The following SEL1L2 variants were observed in gnomAD, a reference collection of about 807,000 sequenced individuals.
The protein encoded by SEL1L2 is SEL1L2 adaptor subunit of SYVN1 ubiquitin ligase.
A neutral mutation model predicts 98.8 loss-of-function variants in SEL1L2; 89 were observed. That is an observed-to-expected ratio of 0.90 (90% confidence interval 0.76 to 1.07). The LOEUF is 1.07. SEL1L2 is among the 50% of genes least tolerant of loss of function. The pLI, the probability that SEL1L2 is intolerant of heterozygous loss-of-function variation, is 0.00. For missense variants in SEL1L2, 788 were observed against 812.0 expected (o/e 0.97, Z 0.36); for synonymous variants, 262 against 278.5 (o/e 0.94, Z 0.59).
At chr20:13,906,289 C>T (rs1288311874) in intron 5 of SEL1L2, among the ~76,000 whole-genome samples, 1 of 152,116 alleles carries the variant, frequency 6.6e-6, no homozygotes, top group East Asian at 1.9e-4. Context: ...TTTTACTGTA[C>T]TTCAAAGTAA....
Position 13,866,687 on chromosome 20 carries a change from G to A in SEL1L2, c.1404+15C>T, listed in dbSNP as rs372179090. On this transcript the variant is annotated intron_variant, in intron 15 of 19. Transcript: ENST00000284951. Reference sequence around the variant, plus strand: ...TATGACAAGTGCTTTAAAAACAGCCGCATATTATATTTACCTCCACAGCAG... The same window carrying A: ...TATGACAAGTGCTTTAAAAACAGCCACATATTATATTTACCTCCACAGCAG... The A allele has an allele frequency of 4.7e-5, 72 of 1,525,834 alleles. No individual in the cohort carries two copies. Among genetic ancestry groups the A allele is most frequent in the Middle Eastern group, 3.5e-4 (2 of 5,746 alleles). The allele number at this position is 1,525,834 out of a possible 1,614,324, so 94.5% of individuals were successfully genotyped here.
At chr20:13,990,433 G>C (rs1252359100) in intron 1 of SEL1L2, 44 bp downstream of exon 1, 1 of 1,388,578 alleles carries the variant, frequency 7.2e-7, no homozygotes, top group Non-Finnish European at 1.0e-6. Context: ...TTTGAGCAAA[G>C]AGAAGAGACC....
chr20:13,964,038 AT>A (rs199820638), intron 1 of SEL1L2, among the ~76,000 whole-genome samples: 6 of 150,622 alleles, frequency 4.0e-5, no homozygotes, highest in East Asian at 2.0e-4. Flanking sequence ...CTCCCAGCTA[AT>A]TTTTTTTTGT....
chr20:13,925,359 A>C (rs575005992), intron 3 of SEL1L2, among the ~76,000 whole-genome samples: 1 of 152,344 alleles, frequency 6.6e-6, no homozygotes, highest in African/African-American at 2.4e-5. Context: ...TTCACCCAAA[A>C]AATCAGGTGG....
intron 3 of SEL1L2, 66 bp downstream of exon 3, chr20:13,931,537 C>T (rs2049144910): frequency 9.9e-7 from 1 of 1,008,002 alleles, no homozygotes; most frequent in Admixed American, 3.8e-5. Context: ...GAAAGTAGCT[C>T]TAAAATTTGA....
At chr20:13,918,990 A>G in intron 4 of SEL1L2, 31 bp downstream of exon 4, 2 of 1,452,418 alleles carry the variant, frequency 1.4e-6, no homozygotes, top group Non-Finnish European at 9.5e-7. Flanking sequence ...TGGAAATTCA[A>G]CTTGGCTAAG....
At chr20:13,940,277 G>A (rs1381723231) in intron 2 of SEL1L2, among the ~76,000 whole-genome samples, 1 of 152,186 alleles carries the variant, frequency 6.6e-6, no homozygotes, top group Non-Finnish European at 1.5e-5. Flanking sequence ...TACAGAAGAG[G>A]TGACTTTGGA....
At chr20:13,932,846 T>A (rs1178954559) in intron 2 of SEL1L2, among the ~76,000 whole-genome samples, 1 of 152,052 alleles carries the variant, frequency 6.6e-6, no homozygotes, top group Admixed American at 6.6e-5. Context: ...TTTGAGGTGG[T>A]AGCAAAGACA....
chr20:13,888,402 C>A, intron 6 of SEL1L2, 57 bp downstream of exon 6: 3 of 1,145,278 alleles, frequency 2.6e-6, no homozygotes, highest in South Asian at 2.7e-5. Flanking sequence ...AGATTTTATT[C>A]AATGTCCCTT....
At chr20:13,903,207 A>AT (rs2047763050) in intron 5 of SEL1L2, among the ~76,000 whole-genome samples, 1 of 151,958 alleles carries the variant, frequency 6.6e-6, no homozygotes, top group African/African-American at 2.4e-5. Context: ...GATAATTACC[A>AT]TTGTTATGAC....
chr20:13,988,581 C>T (rs2052369578), intron 1 of SEL1L2, among the ~76,000 whole-genome samples: 1 of 152,136 alleles, frequency 6.6e-6, no homozygotes, highest in Non-Finnish European at 1.5e-5. Flanking sequence ...ATTACTGTAG[C>T]TTTGTAGTAA....
At chr20:13,946,572 C>T (rs1323881887) in intron 2 of SEL1L2, among the ~76,000 whole-genome samples, 6 of 152,232 alleles carry the variant, frequency 3.9e-5, no homozygotes, top group Non-Finnish European at 8.8e-5. Flanking sequence ...AGGGGAAGCA[C>T]GCTTAGGGCT....
intron 2 of SEL1L2, among the ~76,000 whole-genome samples, chr20:13,942,718 T>C (rs939006872): frequency 1.1e-4 from 16 of 152,218 alleles, no homozygotes; most frequent in Non-Finnish European, 2.4e-4. Context: ...TTAATTATGG[T>C]TTCTCATCAG....
intron 14 of SEL1L2, among the ~76,000 whole-genome samples, 166 bp downstream of exon 14, chr20:13,869,337 C>A (rs999907869): frequency 6.6e-6 from 1 of 152,186 alleles, no homozygotes; most frequent in Non-Finnish European, 1.5e-5. Flanking sequence ...TCCCCCCTCC[C>A]AACCAGTGTC....
At position 13,913,973 on chromosome 20, in the gene SEL1L2, A is replaced by T. The variant is rs1205851311; in HGVS notation, c.387-29T>A. 2.0e-6 allele frequency: 3 copies of T among 1,536,128 alleles called. No homozygotes were observed. The African/African-American group carries it at 4.3e-5, about 22-fold the overall frequency. On this transcript the variant is annotated intron_variant, in intron 4 of 19. Transcript: ENST00000284951. ...TTTCAAGAATATAAAGTCAAGTTTG[A>T]TTTTCAAAAATGAAATTTTCTTCTC...
At position 13,896,193 on chromosome 20, in the gene SEL1L2, C is replaced by T. The variant is rs185227949; in HGVS notation, c.550-7681G>A. ...CCATCTCAAAAACAAACAAACAGGC[C>T]GAGCACGGTGGCTCACGCCTGTAAT... On this transcript the variant is annotated intron_variant, in intron 5 of 19. Transcript: ENST00000284951. Among the ~76,000 whole-genome samples, 12 of 151,826 alleles carry T rather than the reference C, an allele frequency of 7.9e-5. No homozygotes were observed. The East Asian group carries it at 1.8e-3, about 22-fold the overall frequency.
chr20:13,908,183 A>G (rs1310162286), intron 5 of SEL1L2, among the ~76,000 whole-genome samples: 1 of 120,970 alleles, frequency 8.3e-6, no homozygotes, highest in African/African-American at 3.2e-5. Flanking sequence ...GGTGGTGCGA[A>G]CACAGCTCAC....
At chr20:13,990,749 T>G, upstream of SEL1L2, 1 of 517,596 alleles carries the variant, frequency 1.9e-6, no homozygotes, top group Non-Finnish European at 3.4e-6. Context: ...TCCACTGCTA[T>G]TCCTCTGGCT....
At chr20:13,970,110 T>C (rs1445844047) in intron 1 of SEL1L2, among the ~76,000 whole-genome samples, 1 of 152,080 alleles carries the variant, frequency 6.6e-6, no homozygotes, top group African/African-American at 2.4e-5. Context: ...ACTTTTATTA[T>C]AACACAGCAT....
Sources: gnomAD v4.1 joint callset for allele counts (sites outside exome capture counted in the v4.1 genomes callset) on GRCh38, gnomAD v4.1.1 for gene constraint, MANE v1.5 for transcripts, NCBI Gene and HGNC (gene_info 2026-07-23, HGNC 2026-07-21) for gene names.